The following LBR variants were observed in gnomAD, a reference collection of about 807,000 sequenced individuals.
The protein encoded by LBR is delta(14)-sterol reductase LBR.
In LBR, 28 loss-of-function variants were observed where a neutral mutation model predicts 74.3. That is an observed-to-expected ratio of 0.38 (90% CI 0.28 to 0.52). LBR has a LOEUF of 0.52. Ranked by LOEUF, LBR falls within the 20% of genes least tolerant of loss-of-function variation. The probability of loss-of-function intolerance (pLI) is 0.89; values close to 1 mark genes in which losing one functional copy is unlikely to be tolerated. For synonymous variants in LBR, 228 were observed against 269.3 expected, an observed-to-expected ratio of 0.85 and a Z score of 1.50; for missense variants, 717 against 760.3, an observed-to-expected ratio of 0.94 and a Z score of 0.67.
chr1:225,405,378 C>T (rs1016115997), intron 11 of LBR, among the ~76,000 whole-genome samples: 5 of 152,330 alleles, frequency 3.3e-5, no homozygotes, highest in Non-Finnish European at 2.9e-5. Context: ...CCAAAGTTCA[C>T]GTGTTGGAAA....
intron 6 of LBR, 53 bp from the exon 7 acceptor site, chr1:225,415,385 C>T: frequency 2.3e-6 from 2 of 878,508 alleles, no homozygotes; most frequent in South Asian, 1.4e-5. Context: ...ATCATATATA[C>T]ATATATACAC....
chr1:225,405,470 A>G lies in LBR; in HGVS notation c.1484-764T>C, dbSNP rs12081774. ...ATGAGGGTTCTGCCCTCATGGACAG[A>G]TTAATGTGGCTATCACAGGAGTGGG... On this transcript the variant is annotated intron_variant, in intron 11 of 13. Coordinates refer to ENST00000272163, the MANE Select transcript of LBR (RefSeq NM_002296.4). 5.6e-3 allele frequency among the ~76,000 whole-genome samples: 849 copies of G among 152,326 alleles called. 10 individuals are homozygous for G. The highest frequency in any genetic ancestry group is 0.042 in the East Asian group (220 of 5,182).
chr1:225,415,391 T>TAC, intron 6 of LBR, 59 bp from the exon 7 acceptor site: 2 of 800,452 alleles, frequency 2.5e-6, no homozygotes, highest in Non-Finnish European at 2.1e-6. Context: ...TATACATATA[T>TAC]ACACACACAC....
In LBR at chr1:225,404,474, C is replaced by A; in HGVS notation, c.1617G>T (p.Trp539Cys). The change falls in exon 13 of 14, where the codon TGG (tryptophan) becomes TGT (cysteine). Residue 539 changes from tryptophan (W) to cysteine (C), a missense_variant. Trp to Cys is a radical substitution (Grantham distance 215, BLOSUM62 -2). Transcript: ENST00000272163. ...AATTGGGGTGGCGAACAAAGCCCCACCATCCAGAAACTAGAAGATTTTTTC... is the reference window on the plus strand; with the variant it reads ...AATTGGGGTGGCGAACAAAGCCCCAACATCCAGAAACTAGAAGATTTTTTC... ...STGKNLLVSGWWGFVRHPNYL... is the reference protein window; with the variant it reads ...STGKNLLVSGCWGFVRHPNYL... 2 of 1,614,030 alleles carry A rather than the reference C, an allele frequency of 1.2e-6. No homozygotes were observed. The highest frequency in any genetic ancestry group is 1.7e-6 in the Non-Finnish European group (2 of 1,179,932).
rs1575216754 is a variant in LBR at position 225,403,097 on chromosome 1, T to G, written c.*206A>C. 1.8e-6 allele frequency: 1 copy of G among 567,322 alleles called. No homozygotes were observed. The highest frequency in any genetic ancestry group is 3.0e-5 in the East Asian group (1 of 33,800). The allele number at this position is 567,322 out of a possible 1,614,324, so 35.1% of individuals were successfully genotyped here. A position where few individuals can be genotyped will look rare whatever the true frequency, so the allele number is the denominator to read the frequency against. ...GCAAATTCTCACATCCTTACTTGTA[T>G]TTTTCCTATGTTAACTGTAAGTTAA... On this transcript the variant is annotated 3_prime_UTR_variant, in exon 14 of 14. Transcript: ENST00000272163.
At chr1:225,423,607 G>A (rs908758164) in intron 2 of LBR, among the ~76,000 whole-genome samples, 16 of 152,126 alleles carry the variant, frequency 1.1e-4, no homozygotes, top group Non-Finnish European at 2.1e-4. Context: ...GAAGCCCAGG[G>A]CTCTTCTCTA....
At position 225,422,143 on chromosome 1, in the gene LBR, A is replaced by G; in HGVS notation, c.300T>C (p.Ala100=). 6.2e-7 allele frequency: 1 copy of G among 1,614,178 alleles called. No homozygotes were observed. The change falls in exon 3 of 14, where the codon GCT becomes GCC. Residue 100 remains alanine, a synonymous_variant. Transcript: ENST00000272163. ...PPKSARRSAS[A]SHQADIKEAR... ...CTTCCTTAATGTCGGCCTGGTGGGA[A>G]GCAGAAGCAGATCGGCGGGCACTTT... is the stretch of plus-strand genomic sequence containing the variant.
intron 3 of LBR, among the ~76,000 whole-genome samples, chr1:225,420,556 A>G (rs183075365): frequency 1.1e-4 from 16 of 152,288 alleles, no homozygotes; most frequent in Admixed American, 2.0e-4. Context: ...ACTACCAGGT[A>G]AGAGGCAAAG....
At chr1:225,409,280 T>C (rs1033364473) in intron 10 of LBR, among the ~76,000 whole-genome samples, 4 of 152,228 alleles carry the variant, frequency 2.6e-5, no homozygotes, top group Non-Finnish European at 4.4e-5. Context: ...CCGCTTGTAA[T>C]TGAGGTTTAC....
chr1:225,402,507 T>G lies in LBR; in HGVS notation c.*796A>C, dbSNP rs2096083566. ...CCCTTCCTATGTTTTAACAGCATCT[T>G]CTATACAATAGTGAATGAATTCTAA... On this transcript the variant is annotated 3_prime_UTR_variant, in exon 14 of 14. Coordinates refer to ENST00000272163, the MANE Select transcript of LBR (RefSeq NM_002296.4). 1 of 152,600 alleles carries G rather than the reference T, an allele frequency of 6.6e-6. No individual in the cohort carries two copies. The allele number at this position is 152,600 out of a possible 1,614,324, so 9.5% of individuals were successfully genotyped here.
intron 5 of LBR, 127 bp downstream of exon 5, chr1:225,419,136 A>T: frequency 1.1e-6 from 1 of 870,178 alleles, no homozygotes; most frequent in Non-Finnish European, 1.9e-6. Context: ...GCTCTTCCAC[A>T]GGTTCCCACC....
intron 2 of LBR, among the ~76,000 whole-genome samples, chr1:225,423,665 G>A (rs777040311): frequency 2.0e-5 from 3 of 152,182 alleles, no homozygotes; most frequent in Non-Finnish European, 2.9e-5. Flanking sequence ...GACACAGAAC[G>A]TAGTAAACCC....
chr1:225,416,708 C>T (rs1042005385), intron 6 of LBR, among the ~76,000 whole-genome samples: 1 of 152,178 alleles, frequency 6.6e-6, no homozygotes, highest in African/African-American at 2.4e-5. Context: ...CCAACCAGAT[C>T]CAAAATATTT....
In LBR at chr1:225,410,303, A is replaced by G; in HGVS notation, c.1302T>C (p.Ala434=). The change falls in exon 10 of 14, where the codon GCT becomes GCC. Residue 434 remains alanine (A), a synonymous_variant. Transcript: ENST00000272163. ...NSFQLLYVVD[A]LWNEEALLTT... The stretch of plus-strand genomic sequence containing the variant: ...TAAAATTAATTACCTCATTCCAGAG[A>G]GCATCCACCACATAGAGAAGCTGGA... The G allele has an allele frequency of 6.2e-7, 1 of 1,614,164 alleles. No individual in the cohort carries two copies. The highest frequency in any genetic ancestry group is 8.5e-7 in the Non-Finnish European group (1 of 1,180,028).
rs943153158 is a variant in LBR, at chr1:225,418,065, C to A, written c.756G>T (p.Glu252Asp). Residue 252 changes from glutamate (E) to aspartate (D), a missense_variant, in exon 6 of 14, where the codon GAG (glutamate) becomes GAT (aspartate). Coordinates refer to ENST00000272163, the MANE Select transcript of LBR (RefSeq NM_002296.4). ...NFPPPLPALY[E>D]LWETRVFGVY... ...CCCCAAATACTCTGGTTTCCCATAA[C>A]TCATACAAAGCTGGCAAAGGAGGAG... 1.9e-6 allele frequency: 3 copies of A among 1,614,206 alleles called. No individual in the cohort carries two copies. Among genetic ancestry groups the A allele is most frequent in the Non-Finnish European group, 8.5e-7 (1 of 1,180,034 alleles).
At position 225,414,413 on chromosome 1, in the gene LBR, ACT is replaced by A. The variant is rs2096112978; in HGVS notation, c.892+863_892+864del. Among the ~76,000 whole-genome samples, 11 of 152,260 alleles carry A rather than the reference ACT, an allele frequency of 7.2e-5. No individual in the cohort carries two copies. The South Asian group carries it at 2.1e-3, about 29-fold the overall frequency. Reference sequence around the variant, plus strand: ...ATGTAATTCTCAAGAAAAGGAAAACACTCTACTCCGTCTTGTCAAATGGAAAA... The same window carrying A: ...ATGTAATTCTCAAGAAAAGGAAAACACTACTCCGTCTTGTCAAATGGAAAA... On this transcript the variant is annotated intron_variant, in intron 7 of 13. Transcript: ENST00000272163.
At chr1:225,416,281 A>C (rs978677535) in intron 6 of LBR, among the ~76,000 whole-genome samples, 1 of 152,104 alleles carries the variant, frequency 6.6e-6, no homozygotes. Flanking sequence ...TTCATTCGGC[A>C]TCACTCACAG....
intron 7 of LBR, chr1:225,414,267 C>A: frequency 2.5e-6 from 1 of 398,786 alleles, no homozygotes; most frequent in Non-Finnish European, 5.1e-6. Context: ...TTGGCTTCCC[C>A]TTTAGAACCC....
intron 7 of LBR, among the ~76,000 whole-genome samples, chr1:225,414,743 C>T (rs376129828): frequency 1.4e-4 from 21 of 152,206 alleles, no homozygotes; most frequent in African/African-American, 4.3e-4. Context: ...GACAAATACA[C>T]TGATGTGTGG....
Sources: gnomAD v4.1 joint callset for allele counts (sites outside exome capture counted in the v4.1 genomes callset) on GRCh38, gnomAD v4.1.1 for gene constraint, MANE v1.5 for transcripts, NCBI Gene and HGNC (gene_info 2026-07-23, HGNC 2026-07-21) for gene names.